The following BMP4 variants were observed in gnomAD, a reference collection of about 807,000 sequenced individuals.
BMP4 encodes the protein bone morphogenetic protein 2B.
BMP4 carries 3 observed loss-of-function variants against 29.6 expected under a neutral mutation model. That is an observed-to-expected ratio of 0.10 (90% CI 0.05 to 0.26). BMP4 has a LOEUF of 0.26. Among genes scored for constraint, BMP4 ranks in the 10% least tolerant of loss-of-function variants. The probability of loss-of-function intolerance (pLI) is 1.00; values close to 1 mark genes in which losing one functional copy is unlikely to be tolerated. For missense variants in BMP4, 455 were observed against 550.2 expected, an observed-to-expected ratio of 0.83 and a Z score of 1.73; for synonymous variants, 197 against 213.2, an observed-to-expected ratio of 0.92 and a Z score of 0.66.
At position 53,950,197 on chromosome 14, in the gene BMP4, A is replaced by G; in HGVS notation, c.1062T>C (p.His354=). The G allele has an allele frequency of 6.2e-7, 1 of 1,614,194 alleles. No homozygotes were observed. The highest frequency in any genetic ancestry group is 1.1e-5 in the South Asian group (1 of 91,088). The change falls in exon 4 of 4, where the codon CAT becomes CAC. Residue 354 remains histidine (H), a synonymous_variant. Coordinates refer to ENST00000245451, the MANE Select transcript of BMP4 (RefSeq NM_001202.6). The surrounding 1 kb of genome is among the most constrained non-coding windows in gnomAD (Gnocchi z 5.4). Reference sequence around the variant, plus strand: ...AATTGACCAGGGTCTGCACAATGGCATGGTTGGTTGAGTTGAGGTGGTCAG... The same window carrying G: ...AATTGACCAGGGTCTGCACAATGGCGTGGTTGGTTGAGTTGAGGTGGTCAG... ...PLADHLNSTN[H]AIVQTLVNSV...
At position 53,955,867 on chromosome 14, in the gene BMP4, T is replaced by A. The variant is rs2140245522; in HGVS notation, c.-133+683A>T. On this transcript the variant is annotated intron_variant, in intron 1 of 3. Transcript: ENST00000245451. The surrounding 1 kb of genome is among the most constrained non-coding windows in gnomAD (Gnocchi z 4.0). ...AAGCGTCCTGGGAGCCCCTGGGATC[T>A]TGGCTGTCGTCTCTAGGGACCCTAC... The A allele has an allele frequency of 6.6e-6, 1 of 152,336 alleles. No homozygotes were observed. Among genetic ancestry groups the A allele is most frequent in the African/African-American group, 2.4e-5 (1 of 41,576 alleles). The allele number at this position is 152,336 out of a possible 1,614,324, so 9.4% of individuals were successfully genotyped here. A position where few individuals can be genotyped will look rare whatever the true frequency, so the allele number is the denominator to read the frequency against.
At chr14:53,952,369 G>A (rs1187053476) in intron 2 of BMP4, 140 bp from the exon 3 acceptor site, 3 of 1,105,706 alleles carry the variant, frequency 2.7e-6, no homozygotes, top group Non-Finnish European at 3.8e-6. Context: ...GATCAAGTTT[G>A]TGTCTTCTCC....
rs558175890 is a variant in BMP4 at position 53,949,780 on chromosome 14, C to T, written c.*252G>A. ...CTCATTTTATTTTTTTCTTTTAATA[C>T]GTAGTTATAAATATATTTTGTCAAA... is the stretch of plus-strand genomic sequence containing the variant. On this transcript the variant is annotated 3_prime_UTR_variant, in exon 4 of 4. Coordinates refer to ENST00000245451, the MANE Select transcript of BMP4 (RefSeq NM_001202.6). 2.2e-4 allele frequency: 85 copies of T among 388,036 alleles called. No individual in the cohort carries two copies. The highest frequency in any genetic ancestry group is 1.4e-3 in the African/African-American group (66 of 48,486). 24.0% of individuals were successfully genotyped at this position (388,036 alleles called of 1,614,324 possible).
In BMP4 at chr14:53,950,933, C is replaced by CT. The variant is rs1461574907; in HGVS notation, c.371-46dup. 6.3e-7 allele frequency: 1 copy of CT among 1,597,910 alleles called. No individual in the cohort carries two copies. Among genetic ancestry groups the CT allele is most frequent in the Admixed American group, 1.7e-5 (1 of 60,022 alleles). On this transcript the variant is annotated intron_variant, in intron 3 of 3. Transcript: ENST00000245451. The surrounding 1 kb of genome is among the most constrained non-coding windows in gnomAD (Gnocchi z 5.4). ...AAGGGGAAAAGAAAAAGCATATGAACTTTTTTCAAAGATGGAAGAGTCAAG... is the reference window on the plus strand; with the variant it reads ...AAGGGGAAAAGAAAAAGCATATGAACTTTTTTTCAAAGATGGAAGAGTCAAG...
intron 1 of BMP4, 174 bp from the exon 2 acceptor site, chr14:53,953,574 C>A (rs1266287176): frequency 2.7e-6 from 1 of 372,186 alleles, no homozygotes; most frequent in Non-Finnish European, 4.8e-6. Flanking sequence ...CCCCTCCAGG[C>A]GAGGCCAACC....
chr14:53,949,817 A>G lies in BMP4; in HGVS notation c.*215T>C. ...TATATTTTGTCAAAATATATGATCA[A>G]TATGGTCAAAACATTTGCACGTAAA... On this transcript the variant is annotated 3_prime_UTR_variant, in exon 4 of 4. Transcript: ENST00000245451. 1.9e-6 allele frequency: 1 copy of G among 526,076 alleles called. No homozygotes were observed. The highest frequency in any genetic ancestry group is 3.0e-5 in the East Asian group (1 of 33,376). 32.6% of individuals were successfully genotyped at this position (526,076 alleles called of 1,614,324 possible). A position where few individuals can be genotyped will look rare whatever the true frequency, so the allele number is the denominator to read the frequency against.
In BMP4 at chr14:53,951,002, C is replaced by T; in HGVS notation, c.371-114G>A. ...CAATGAATGGTGAATTCTGCTTATG[C>T]AGGGGAAACCTACTGGGGGAAAATA... On this transcript the variant is annotated intron_variant, in intron 3 of 3. Transcript: ENST00000245451. 3 of 1,403,966 alleles carry T rather than the reference C, an allele frequency of 2.1e-6. No homozygotes were observed. In the South Asian group the frequency reaches 3.5e-5, roughly 16 times the overall value. The allele number at this position is 1,403,966 out of a possible 1,614,324, so 87.0% of individuals were successfully genotyped here.
In BMP4 at chr14:53,955,376, T is replaced by G. The variant is rs891523775; in HGVS notation, c.-133+1174A>C. On this transcript the variant is annotated intron_variant, in intron 1 of 3. Transcript: ENST00000245451. The surrounding 1 kb of genome is among the most constrained non-coding windows in gnomAD (Gnocchi z 4.0). The stretch of plus-strand genomic sequence containing the variant: ...GAGGATAGGAAGGGGAAGGGGGAGT[T>G]GTGTTTCAATTTCGGATTCACCAGG... The G allele has an allele frequency of 6.6e-6, 1 of 152,176 alleles. No homozygotes were observed. The highest frequency in any genetic ancestry group is 1.5e-5 in the Non-Finnish European group (1 of 68,046). The allele number at this position is 152,176 out of a possible 1,614,324, so 9.4% of individuals were successfully genotyped here.
chr14:53,955,488 TG>T lies in BMP4; in HGVS notation c.-133+1061del, dbSNP rs1323331644. The stretch of plus-strand genomic sequence containing the variant: ...AACTTTCATCCCCAGAGCTTTTTAT[TG>T]GGGGAAAGGAATGTAACTCGGGGTG... On this transcript the variant is annotated intron_variant, in intron 1 of 3. Coordinates refer to ENST00000245451, the MANE Select transcript of BMP4 (RefSeq NM_001202.6). The surrounding 1 kb of genome is among the most constrained non-coding windows in gnomAD (Gnocchi z 4.0). 6.6e-6 allele frequency: 1 copy of T among 152,254 alleles called. No homozygotes were observed. The highest frequency in any genetic ancestry group is 6.5e-5 in the Admixed American group (1 of 15,292). 9.4% of individuals were successfully genotyped at this position (152,254 alleles called of 1,614,324 possible). A position where few individuals can be genotyped will look rare whatever the true frequency, so the allele number is the denominator to read the frequency against.
rs1566578003 is a variant in BMP4, at chr14:53,949,890, T to C, written c.*142A>G. 1 of 923,186 alleles carries C rather than the reference T, an allele frequency of 1.1e-6. No individual in the cohort carries two copies. The highest frequency in any genetic ancestry group is 1.7e-5 in the African/African-American group (1 of 58,946). 57.2% of individuals were successfully genotyped at this position (923,186 alleles called of 1,614,324 possible). Reference sequence around the variant, plus strand: ...ATGTTTAGGGATTTTTTCCTTTTTTTTTTTTTTTTTTAAATAAAAGTCCAG... The same window carrying C: ...ATGTTTAGGGATTTTTTCCTTTTTTCTTTTTTTTTTTAAATAAAAGTCCAG... On this transcript the variant is annotated 3_prime_UTR_variant, in exon 4 of 4. Coordinates refer to ENST00000245451, the MANE Select transcript of BMP4 (RefSeq NM_001202.6).
chr14:53,951,840 G>T lies in BMP4; in HGVS notation c.370+13C>A. The stretch of plus-strand genomic sequence containing the variant: ...CCAGCCCTCCCCCACGCAGACTGGG[G>T]GAAGAGACTGACCTTCGTGGTGGAA... On this transcript the variant is annotated intron_variant, in intron 3 of 3. Coordinates refer to ENST00000245451, the MANE Select transcript of BMP4 (RefSeq NM_001202.6). The T allele has an allele frequency of 6.3e-7, 1 of 1,598,856 alleles. No individual in the cohort carries two copies. Among genetic ancestry groups the T allele is most frequent in the Non-Finnish European group, 8.5e-7 (1 of 1,179,898 alleles).
chr14:53,951,440 C>T (rs1895403683), intron 3 of BMP4: 1 of 208,314 alleles, frequency 4.8e-6, no homozygotes, highest in East Asian at 1.2e-4. Flanking sequence ...GGATTAATAA[C>T]TCAGATTTAC....
intron 3 of BMP4, chr14:53,951,623 A>T: frequency 1.6e-6 from 1 of 624,326 alleles, no homozygotes; most frequent in South Asian, 2.3e-5. Context: ...CGCTGGGGCT[A>T]GCCCACGTCT....
rs1895343812 is a variant in BMP4 at position 53,950,626 on chromosome 14, C to T, written c.633G>A (p.Arg211=). The T allele has an allele frequency of 2.5e-6, 4 of 1,614,264 alleles. No homozygotes were observed. Among genetic ancestry groups the T allele is most frequent in the Non-Finnish European group, 3.4e-6 (4 of 1,180,040 alleles). Residue 211 remains arginine (R), a synonymous_variant, in exon 4 of 4, where the codon CGG becomes CGA. Coordinates refer to ENST00000245451, the MANE Select transcript of BMP4 (RefSeq NM_001202.6). This position sits in a 1 kb window ranked among gnomAD's most constrained non-coding sequence, Gnocchi z 5.4. ...DTRLVHHNVT[R]WETFDVSPAV... is the part of the protein sequence containing the mutation. ...CAGGGCTCACATCAAAAGTTTCCCA[C>T]CGTGTCACATTGTGGTGGACCAGTC... is the stretch of plus-strand genomic sequence containing the variant.
Position 53,950,461 on chromosome 14 carries a change from G to A in BMP4, c.798C>T (p.Ala266=), listed in dbSNP as rs1229093155. The A allele has an allele frequency of 1.9e-6, 3 of 1,613,872 alleles. No individual in the cohort carries two copies. Among genetic ancestry groups the A allele is most frequent in the African/African-American group, 1.3e-5 (1 of 74,956 alleles). ...AGGTGACCAGGAGGGGCCGGAGCTG[G>A]GCCCAATTCCCACTCCCTTGAGGTA... is the stretch of plus-strand genomic sequence containing the variant. ...RSLPQGSGNW[A]QLRPLLVTFG... The change falls in exon 4 of 4, where the codon GCC becomes GCT. Residue 266 remains alanine, a synonymous_variant. Coordinates refer to ENST00000245451, the MANE Select transcript of BMP4 (RefSeq NM_001202.6). The surrounding 1 kb of genome is among the most constrained non-coding windows in gnomAD (Gnocchi z 5.4).
Position 53,955,218 on chromosome 14 carries a change from T to C in BMP4, c.-133+1332A>G, listed in dbSNP as rs559413809. Among the ~76,000 whole-genome samples, 1 of 151,982 alleles carries C rather than the reference T, an allele frequency of 6.6e-6. No homozygotes were observed. Among genetic ancestry groups the C allele is most frequent in the African/African-American group, 2.4e-5 (1 of 41,468 alleles). ...AGCCCGGCGAGGAGAGGTCCAGAAGTAGAGAAAGCAGACGGAGGCAAGCTG... is the reference window on the plus strand; with the variant it reads ...AGCCCGGCGAGGAGAGGTCCAGAAGCAGAGAAAGCAGACGGAGGCAAGCTG... On this transcript the variant is annotated intron_variant, in intron 1 of 3. Transcript: ENST00000245451. This position sits in a 1 kb window ranked among gnomAD's most constrained non-coding sequence, Gnocchi z 4.0.
rs1052363721 is a variant in BMP4 at position 53,954,352 on chromosome 14, CA to C, written c.-132-953del. ...AGGCGTCGCTGCAGAAAGGACGCAT[CA>C]CAGTTTTCAGATCTTAATGTGGCCG... On this transcript the variant is annotated intron_variant, in intron 1 of 3. Coordinates refer to ENST00000245451, the MANE Select transcript of BMP4 (RefSeq NM_001202.6). This position sits in a 1 kb window ranked among gnomAD's most constrained non-coding sequence, Gnocchi z 4.8. 4 of 152,230 alleles carry C rather than the reference CA, an allele frequency of 2.6e-5. No individual in the cohort carries two copies. The highest frequency in any genetic ancestry group is 9.6e-5 in the African/African-American group (4 of 41,534). The allele number at this position is 152,230 out of a possible 1,614,324, so 9.4% of individuals were successfully genotyped here. A position where few individuals can be genotyped will look rare whatever the true frequency, so the allele number is the denominator to read the frequency against.
At chr14:53,953,543 C>A in intron 1 of BMP4, 143 bp from the exon 2 acceptor site, 1 of 387,116 alleles carries the variant, frequency 2.6e-6, no homozygotes, top group Non-Finnish European at 4.6e-6. Flanking sequence ...CCTCCACAGC[C>A]CCCCGCCCCT....
chr14:53,950,048 C>T lies in BMP4; in HGVS notation c.1211G>A (p.Gly404Glu). The change falls in exon 4 of 4, where the codon GGA (glycine) becomes GAA (glutamate). Residue 404 changes from glycine to glutamate, a missense_variant. By Grantham distance (98) the Gly-to-Glu change is moderately conservative (BLOSUM62 -2). Around this residue, in one of 4 missense-constraint regions of BMP4, gnomAD observed 48 missense variants for 90.4 expected, o/e 0.53. Coordinates refer to ENST00000245451, the MANE Select transcript of BMP4 (RefSeq NM_001202.6). This position sits in a 1 kb window ranked among gnomAD's most constrained non-coding sequence, Gnocchi z 5.4. ...LKNYQEMVVE[G>E]CGCR is the part of the protein sequence containing the mutation. ...TGCCTGATCTCAGCGGCACCCACAT[C>T]CCTCTACTACCATCTCCTGATAATT... 1 of 1,614,006 alleles carries T rather than the reference C, an allele frequency of 6.2e-7. No homozygotes were observed. The highest frequency in any genetic ancestry group is 8.5e-7 in the Non-Finnish European group (1 of 1,180,014).
Sources: allele counts gnomAD v4.1 joint callset (sites outside exome capture counted in the v4.1 genomes callset), GRCh38; gene constraint gnomAD v4.1.1; regional missense constraint gnomAD v4.1.1; non-coding constraint Gnocchi (gnomAD v3.1); transcripts MANE v1.5; gene names NCBI Gene and HGNC (gene_info 2026-07-23, HGNC 2026-07-21).